JPH3: variants seen among roughly 807,000 people sequenced by gnomAD.
JPH3 encodes junctophilin 3, also known as junctophilin-3.
In JPH3, 11 loss-of-function variants were observed where a neutral mutation model predicts 59.6. That is an observed-to-expected ratio of 0.18 (90% CI 0.12 to 0.31). JPH3 has a LOEUF of 0.31. JPH3 is among the 10% of genes least tolerant of loss of function. JPH3 has a pLI of 1.00. For missense variants in JPH3, 1,202 were observed against 1,105.7 expected (o/e 1.09, Z -1.24); for synonymous variants, 673 against 483.6 (o/e 1.39, Z -5.14).
chr16:87,646,885 C>G (rs2032171133), intron 2 of JPH3, among the ~76,000 whole-genome samples: 1 of 152,162 alleles, frequency 6.6e-6, no homozygotes, highest in African/African-American at 2.4e-5. Context: ...GGGTGGATGT[C>G]TGTAGGACTG....
intron 1 of JPH3, among the ~76,000 whole-genome samples, chr16:87,628,248 G>C (rs1011775671): frequency 2.0e-5 from 3 of 152,260 alleles, no homozygotes; most frequent in Admixed American, 6.5e-5. Flanking sequence ...TGCTGGCATG[G>C]GCGGGTCAGA....
At chr16:87,656,774 C>T (rs1255510963) in intron 2 of JPH3, among the ~76,000 whole-genome samples, 1 of 152,138 alleles carries the variant, frequency 6.6e-6, no homozygotes, top group Non-Finnish European at 1.5e-5. Context: ...TGTGGCTCAG[C>T]TTGGACTGCC....
chr16:87,695,195 C>T (rs1039926619), intron 4 of JPH3: 1 of 394,294 alleles, frequency 2.5e-6, no homozygotes, highest in Admixed American at 2.8e-5. Flanking sequence ...GGCTCCCCTC[C>T]TTAATGCAGG....
At chr16:87,647,559 C>T (rs886298281) in intron 2 of JPH3, among the ~76,000 whole-genome samples, 12 of 152,286 alleles carry the variant, frequency 7.9e-5, no homozygotes, top group African/African-American at 2.4e-4. Flanking sequence ...GAGCTGACTC[C>T]GTCCCTTCGC....
intron 2 of JPH3, among the ~76,000 whole-genome samples, chr16:87,659,361 A>T (rs2032619205): frequency 1.4e-5 from 2 of 138,850 alleles, no homozygotes; most frequent in East Asian, 2.2e-4. Flanking sequence ...TGGGTGACAG[A>T]GTAAGACTGT....
At chr16:87,630,012 A>G (rs760265644) in intron 1 of JPH3, among the ~76,000 whole-genome samples, 1 of 152,264 alleles carries the variant, frequency 6.6e-6, no homozygotes, top group East Asian at 1.9e-4. Flanking sequence ...AAAAAAGACC[A>G]CATGAACCCA....
rs951245513 is a variant in JPH3 at position 87,603,363 on chromosome 16, A to G, written c.217A>G (p.Ile73Val). 3.7e-5 allele frequency: 60 copies of G among 1,611,388 alleles called. No homozygotes were observed. The highest frequency in any genetic ancestry group is 4.7e-5 in the Non-Finnish European group (56 of 1,178,962). The part of the protein sequence containing the change: ...GTWAQGKRHG[I>V]GLESKGKWVY... ...CTGGGCGCAGGGCAAGCGCCACGGCATCGGCCTGGAGAGCAAGGGGAAGTG... is the reference window on the plus strand; with the variant it reads ...CTGGGCGCAGGGCAAGCGCCACGGCGTCGGCCTGGAGAGCAAGGGGAAGTG... Residue 73 changes from isoleucine (I) to valine (V), a missense_variant, in exon 1 of 5, where the codon ATC becomes GTC. Transcript: ENST00000284262.
chr16:87,617,542 G>A (rs1230194371), intron 1 of JPH3, among the ~76,000 whole-genome samples: 1 of 151,652 alleles, frequency 6.6e-6, no homozygotes, highest in Non-Finnish European at 1.5e-5. Flanking sequence ...GGGGGCCAGA[G>A]AGGAAGCTGG....
intron 2 of JPH3, among the ~76,000 whole-genome samples, chr16:87,671,141 G>T (rs1405158926): frequency 6.6e-6 from 1 of 152,158 alleles, no homozygotes; most frequent in Non-Finnish European, 1.5e-5. Context: ...GTGTTAGGGA[G>T]TCCAGCGAGA....
intron 2 of JPH3, among the ~76,000 whole-genome samples, chr16:87,660,052 C>T (rs1238324543): frequency 6.6e-6 from 1 of 151,770 alleles, no homozygotes; most frequent in East Asian, 1.9e-4. Context: ...CAAGCCCCAG[C>T]CCTGCCACCT....
At chr16:87,634,694 A>G (rs922153132) in intron 1 of JPH3, among the ~76,000 whole-genome samples, 18 of 152,312 alleles carry the variant, frequency 1.2e-4, no homozygotes, top group African/African-American at 4.3e-4. Context: ...CGGGCCCTAT[A>G]GGAGGCAGGT....
intron 1 of JPH3, among the ~76,000 whole-genome samples, chr16:87,615,501 T>C (rs2030922570): frequency 6.6e-6 from 1 of 152,152 alleles, no homozygotes; most frequent in Non-Finnish European, 1.5e-5. Context: ...CCCTGGAGCT[T>C]TCCCTGTTCA....
chr16:87,666,590 G>T (rs1473848258), intron 2 of JPH3, among the ~76,000 whole-genome samples: 1 of 152,028 alleles, frequency 6.6e-6, no homozygotes, highest in Admixed American at 6.6e-5. Flanking sequence ...AGAGATAGGG[G>T]TCTCCCTATG....
rs182038089 is a variant in JPH3, at chr16:87,696,692, G to T, written c.*32G>T. 4.1e-5 allele frequency: 64 copies of T among 1,568,288 alleles called. No homozygotes were observed. The highest frequency in any genetic ancestry group is 5.5e-5 in the Non-Finnish European group (63 of 1,140,440). Reference sequence around the variant, plus strand: ...GTCGCGGTAGCAAAAATAGAGAAAGGGTAGAAAAAAGGGACATTAAAATTA... The same window carrying T: ...GTCGCGGTAGCAAAAATAGAGAAAGTGTAGAAAAAAGGGACATTAAAATTA... On this transcript the variant is annotated 3_prime_UTR_variant, in exon 5 of 5. Coordinates refer to ENST00000284262, the MANE Select transcript of JPH3 (RefSeq NM_020655.4).
intron 2 of JPH3, among the ~76,000 whole-genome samples, chr16:87,668,655 TG>T (rs2032936873): frequency 6.6e-6 from 1 of 152,194 alleles, no homozygotes; most frequent in Non-Finnish European, 1.5e-5. Context: ...GTCGTGTGCC[TG>T]CTCTTCTTGG....
At chr16:87,617,218 G>A (rs1667246800) in intron 1 of JPH3, among the ~76,000 whole-genome samples, 1 of 152,162 alleles carries the variant, frequency 6.6e-6, no homozygotes, top group Admixed American at 6.5e-5. Flanking sequence ...GTGAGACTCT[G>A]TCTCAAAAAA....
At chr16:87,671,385 C>G (rs1177885589) in intron 2 of JPH3, among the ~76,000 whole-genome samples, 1 of 152,190 alleles carries the variant, frequency 6.6e-6, no homozygotes, top group Non-Finnish European at 1.5e-5. Context: ...GCTGGGCACT[C>G]CACCCACCCC....
rs1487764969 is a variant in JPH3, at chr16:87,603,067, C to T, written c.-80C>T. On this transcript the variant is annotated 5_prime_UTR_variant, in exon 1 of 5. Transcript: ENST00000284262. ...CCGGAAAACGCTCGCGACCCAGGGC[C>T]GCCGGCGGCCGCGACTCTGCTGTGT... The T allele has an allele frequency of 6.3e-7, 1 of 1,578,560 alleles. No individual in the cohort carries two copies. Among genetic ancestry groups the T allele is most frequent in the South Asian group, 1.1e-5 (1 of 87,564 alleles).
At chr16:87,650,288 G>T (rs1206480701) in intron 2 of JPH3, among the ~76,000 whole-genome samples, 19 of 152,086 alleles carry the variant, frequency 1.2e-4, no homozygotes, top group Admixed American at 1.2e-3. Flanking sequence ...GGTTATTTTG[G>T]GATGCCACAC....
Sources: allele counts gnomAD v4.1 joint callset (sites outside exome capture counted in the v4.1 genomes callset), GRCh38; gene constraint gnomAD v4.1.1; transcripts MANE v1.5; gene names NCBI Gene and HGNC (gene_info 2026-07-23, HGNC 2026-07-21).